Variants in SLC23A2 observed in about 807,000 individuals in gnomAD.
The protein encoded by SLC23A2 is solute carrier family 23 member 2, also known as Na(+)/L-ascorbic acid transporter 2.
Under a neutral mutation model 73.3 loss-of-function variants are expected in SLC23A2, and 36 were observed. That is an observed-to-expected ratio of 0.49 (90% CI 0.38 to 0.65). SLC23A2 has a LOEUF of 0.65. Among genes scored for constraint, SLC23A2 ranks in the 30% least tolerant of loss-of-function variants. The probability of loss-of-function intolerance (pLI) is 0.00; values close to 1 mark genes in which losing one functional copy is unlikely to be tolerated. For synonymous variants in SLC23A2, 343 were observed against 327.3 expected (o/e 1.05, Z -0.52); for missense variants, 507 against 841.6 (o/e 0.60, Z 4.92).
intron 6 of SLC23A2, among the ~76,000 whole-genome samples, chr20:4,893,814 C>G (rs1931420875): frequency 6.6e-6 from 1 of 152,190 alleles, no homozygotes; most frequent in Non-Finnish European, 1.5e-5. Context: ...TTTCATTTTG[C>G]TGGAGAGGTC....
chr20:4,913,963 C>A (rs1360096702), intron 3 of SLC23A2, among the ~76,000 whole-genome samples: 2 of 151,722 alleles, frequency 1.3e-5, no homozygotes, highest in African/African-American at 4.8e-5. Flanking sequence ...ACCCAGAATA[C>A]TACAAGGGAA....
intron 6 of SLC23A2, among the ~76,000 whole-genome samples, chr20:4,893,095 C>T (rs1216885054): frequency 1.3e-5 from 2 of 151,348 alleles, no homozygotes; most frequent in African/African-American, 2.4e-5. Flanking sequence ...GACAGGATCT[C>T]GCTCTGTCTC....
chr20:4,969,063 G>T (rs557732333), intron 2 of SLC23A2, among the ~76,000 whole-genome samples: 1 of 150,990 alleles, frequency 6.6e-6, no homozygotes, highest in South Asian at 2.1e-4. Flanking sequence ...TTTATTAGAA[G>T]TGTTTTTTGG....
At chr20:4,884,411 G>A (rs1001248918) in intron 8 of SLC23A2, among the ~76,000 whole-genome samples, 2 of 152,206 alleles carry the variant, frequency 1.3e-5, no homozygotes, top group African/African-American at 2.4e-5. Context: ...GGCAAACACT[G>A]AGGCCAGAGC....
At chr20:4,874,247 T>C (rs146069896) in intron 10 of SLC23A2, among the ~76,000 whole-genome samples, 155 bp from the exon 11 acceptor site, 2 of 152,136 alleles carry the variant, frequency 1.3e-5, no homozygotes, top group African/African-American at 4.8e-5. Context: ...GAGAGAGCAG[T>C]TTCATTCAGG....
chr20:4,959,252 A>G (rs2087341325), intron 2 of SLC23A2, among the ~76,000 whole-genome samples: 1 of 152,002 alleles, frequency 6.6e-6, no homozygotes, highest in Non-Finnish European at 1.5e-5. Flanking sequence ...TGACATACCT[A>G]TTAAAATGGC....
intron 4 of SLC23A2, among the ~76,000 whole-genome samples, chr20:4,910,693 CCCAA>C (rs1932110800): frequency 6.6e-6 from 1 of 152,196 alleles, no homozygotes; most frequent in African/African-American, 2.4e-5. Context: ...ATCTCGGCCT[CCCAA>C]AGTGCTGTGA....
rs968980999 is a variant in SLC23A2, at chr20:4,856,099, C to A, written c.*873G>T. ...AAAACCTTGTAATTATAGACGCGCG[C>A]GACAATAACATCCACATGACGGCAG... On this transcript the variant is annotated 3_prime_UTR_variant, in exon 17 of 17. Coordinates refer to ENST00000338244, the MANE Select transcript of SLC23A2 (RefSeq NM_005116.6). The surrounding 1 kb of genome is among the most constrained non-coding windows in gnomAD (Gnocchi z 4.6). The A allele has an allele frequency of 2.0e-5, 3 of 152,250 alleles. No homozygotes were observed. The highest frequency in any genetic ancestry group is 2.9e-5 in the Non-Finnish European group (2 of 68,034). 9.4% of individuals were successfully genotyped at this position (152,250 alleles called of 1,614,324 possible).
rs199773745 is a variant in SLC23A2 at position 4,912,830 on chromosome 20, T to C, written c.207+50A>G. On this transcript the variant is annotated intron_variant, in intron 4 of 16. Coordinates refer to ENST00000338244, the MANE Select transcript of SLC23A2 (RefSeq NM_005116.6). ...GGATCCAGATCCGGGGCAGCACTTG[T>C]GGGAGGGGATGGCGGTGGGAGTGGG... 3.3e-4 allele frequency: 390 copies of C among 1,168,008 alleles called. No individual in the cohort carries two copies. In the African/African-American group the frequency reaches 5.2e-3, roughly 16 times the overall value. 72.4% of individuals were successfully genotyped at this position (1,168,008 alleles called of 1,614,324 possible).
intron 2 of SLC23A2, among the ~76,000 whole-genome samples, chr20:4,958,250 G>A (rs934884075): frequency 6.6e-6 from 1 of 152,162 alleles, no homozygotes; most frequent in South Asian, 2.1e-4. Flanking sequence ...ATTAACCAGT[G>A]AGCCGAAAAT....
At chr20:5,001,542 A>C (rs1391270453), upstream of SLC23A2, 1 of 150,404 alleles carries the variant, frequency 6.6e-6, no homozygotes, top group African/African-American at 2.4e-5. Context: ...GGCGGGGTGC[A>C]GCGGAGCCGC....
intron 1 of SLC23A2, among the ~76,000 whole-genome samples, chr20:4,987,614 C>T (rs1316161086): frequency 2.6e-5 from 4 of 151,986 alleles, no homozygotes; most frequent in African/African-American, 7.3e-5. Flanking sequence ...TTTGGAAGGC[C>T]GAGGTGGGCA....
chr20:4,956,800 CTTTT>C (rs759658782), intron 2 of SLC23A2, among the ~76,000 whole-genome samples: 1 of 111,936 alleles, frequency 8.9e-6, no homozygotes, highest in African/African-American at 3.5e-5. Flanking sequence ...CTTCCCTCTT[CTTTT>C]TTTTTTTTTT....
intron 1 of SLC23A2, among the ~76,000 whole-genome samples, chr20:4,993,719 T>A (rs1036723577): frequency 6.6e-6 from 1 of 152,174 alleles, no homozygotes; most frequent in African/African-American, 2.4e-5. Context: ...CCCCATATCA[T>A]GCATCTGTGG....
chr20:4,980,554 C>T (rs182584767), intron 1 of SLC23A2, among the ~76,000 whole-genome samples: 25 of 148,796 alleles, frequency 1.7e-4, no homozygotes, highest in East Asian at 1.4e-3. Context: ...TTTTTTGAGA[C>T]GGGGTCTCAT....
At chr20:5,009,149 T>C (rs1313936852) in intron 1 of SLC23A2, among the ~76,000 whole-genome samples, 2 of 152,182 alleles carry the variant, frequency 1.3e-5, no homozygotes, top group African/African-American at 4.8e-5. Flanking sequence ...CAGGATAATC[T>C]CTCTTCTTTT....
chr20:4,948,246 G>T (rs1181308341), intron 2 of SLC23A2, among the ~76,000 whole-genome samples: 1 of 152,190 alleles, frequency 6.6e-6, no homozygotes, highest in Non-Finnish European at 1.5e-5. Context: ...TCTTTCACCT[G>T]CAGAGAAAGA....
intron 6 of SLC23A2, among the ~76,000 whole-genome samples, chr20:4,891,980 C>T (rs1190592309): frequency 6.6e-6 from 1 of 152,010 alleles, no homozygotes; most frequent in Non-Finnish European, 1.5e-5. Context: ...TCTTGAACTT[C>T]GGGGCTCAAG....
intron 4 of SLC23A2, among the ~76,000 whole-genome samples, chr20:4,907,434 A>G (rs1029023739): frequency 1.3e-5 from 2 of 152,238 alleles, no homozygotes; most frequent in African/African-American, 4.8e-5. Context: ...TAAAAAAATG[A>G]AGGCAAAGAA....
Sources: allele counts gnomAD v4.1 joint callset (sites outside exome capture counted in the v4.1 genomes callset), GRCh38; gene constraint gnomAD v4.1.1; non-coding constraint Gnocchi (gnomAD v3.1); transcripts MANE v1.5; gene names NCBI Gene and HGNC (gene_info 2026-07-23, HGNC 2026-07-21).